Variants in FBXL13 observed in about 807,000 individuals in gnomAD.
FBXL13 encodes the protein F-box and leucine rich repeat protein 13.
Under a neutral mutation model 83.6 loss-of-function variants are expected in FBXL13, and 67 were observed. That is an observed-to-expected ratio of 0.80 (90% confidence interval 0.66 to 0.98). The LOEUF (loss-of-function observed/expected upper bound fraction) is 0.98. FBXL13 is among the 50% of genes least tolerant of loss of function. FBXL13 has a pLI of 0.00. For missense variants in FBXL13, 822 were observed against 866.5 expected, an observed-to-expected ratio of 0.95 and a Z score of 0.64; for synonymous variants, 272 against 299.5, an observed-to-expected ratio of 0.91 and a Z score of 0.95.
intron 17 of FBXL13, among the ~76,000 whole-genome samples, chr7:102,833,858 A>G (rs1801180388): frequency 6.6e-6 from 1 of 152,010 alleles, no homozygotes; most frequent in African/African-American, 2.4e-5. Flanking sequence ...CTTAATTTTC[A>G]TTCCTACTTT....
chr7:102,974,923 C>A (rs1827245901), intron 6 of FBXL13, among the ~76,000 whole-genome samples: 1 of 152,174 alleles, frequency 6.6e-6, no homozygotes. Context: ...CAGGACAATT[C>A]TAGCATTGTC....
At chr7:103,060,903 G>T (rs1158151839) in intron 1 of FBXL13, among the ~76,000 whole-genome samples, 1 of 152,184 alleles carries the variant, frequency 6.6e-6, no homozygotes, top group African/African-American at 2.4e-5. Flanking sequence ...TCTCACAAAT[G>T]ATTGCCATCC....
At chr7:103,009,996 G>C (rs1402164309) in intron 6 of FBXL13, among the ~76,000 whole-genome samples, 1 of 152,152 alleles carries the variant, frequency 6.6e-6, no homozygotes, top group Non-Finnish European at 1.5e-5. Flanking sequence ...TGTGTGAACT[G>C]AGCCAGAAGG....
chr7:103,073,215 T>C (rs1484043940), intron 1 of FBXL13, among the ~76,000 whole-genome samples: 2 of 152,258 alleles, frequency 1.3e-5, no homozygotes, highest in Non-Finnish European at 2.9e-5. Flanking sequence ...GCTAGATATA[T>C]ACACATATAT....
intron 6 of FBXL13, among the ~76,000 whole-genome samples, chr7:102,996,608 A>C (rs1312354472): frequency 6.6e-6 from 1 of 152,188 alleles, no homozygotes; most frequent in Non-Finnish European, 1.5e-5. Flanking sequence ...CAGTTTAACA[A>C]GGCCTTGTGA....
chr7:102,815,880 G>C (rs900516031), intron 19 of FBXL13, among the ~76,000 whole-genome samples: 1 of 152,150 alleles, frequency 6.6e-6, no homozygotes, highest in African/African-American at 2.4e-5. Context: ...CAATTAGCAA[G>C]TAGTGGGGGT....
At chr7:102,954,210 G>A (rs939538193) in intron 8 of FBXL13, among the ~76,000 whole-genome samples, 3 of 152,168 alleles carry the variant, frequency 2.0e-5, no homozygotes, top group African/African-American at 7.2e-5. Flanking sequence ...CTGGAAAAAT[G>A]GGGCACTGCT....
At chr7:103,060,053 TATATATATATAC>T (rs1487216459) in intron 1 of FBXL13, among the ~76,000 whole-genome samples, 3 of 112,730 alleles carry the variant, frequency 2.7e-5, no homozygotes, top group African/African-American at 1.2e-4. Context: ...TATATATATA[TATATATATATAC>T]TTTTTTTTTT....
intron 6 of FBXL13, among the ~76,000 whole-genome samples, chr7:102,999,700 T>C (rs1790191345): frequency 6.6e-6 from 1 of 152,180 alleles, no homozygotes; most frequent in African/African-American, 2.4e-5. Context: ...TTTGTTGGCA[T>C]AGATGTTCAC....
At chr7:102,867,180 C>G (rs1035998382) in intron 16 of FBXL13, among the ~76,000 whole-genome samples, 7 of 151,960 alleles carry the variant, frequency 4.6e-5, no homozygotes, top group Non-Finnish European at 8.8e-5. Flanking sequence ...ATAGCAAGAC[C>G]CCATCTCTAC....
At chr7:102,913,214 G>C in exon 11 of FBXL13, 2 of 1,614,080 alleles carry the variant, frequency 1.2e-6, no homozygotes, top group Non-Finnish European at 1.7e-6. Flanking sequence ...TTGTGGAAGT[G>C]CCTGAAAAGA....
intron 6 of FBXL13, among the ~76,000 whole-genome samples, chr7:102,984,129 T>C (rs1828635474): frequency 6.6e-6 from 1 of 152,138 alleles, no homozygotes; most frequent in Non-Finnish European, 1.5e-5. Flanking sequence ...TATTGCCAGA[T>C]AACACCGTGA....
At chr7:103,037,576 A>G in intron 2 of FBXL13, among the ~76,000 whole-genome samples, 1 of 152,062 alleles carries the variant, frequency 6.6e-6, no homozygotes, top group Non-Finnish European at 1.5e-5. Context: ...AGGCTGAGGT[A>G]GGAAGATCTC....
intron 2 of FBXL13, 84 bp from the exon 3 acceptor site, chr7:103,055,262 G>C: frequency 2.9e-6 from 2 of 698,588 alleles, no homozygotes; most frequent in South Asian, 3.4e-5. Flanking sequence ...CTTGTAGGTG[G>C]AATGAAAGGG....
At chr7:102,819,533 AT>A (rs1233600556) in intron 19 of FBXL13, among the ~76,000 whole-genome samples, 6 of 152,180 alleles carry the variant, frequency 3.9e-5, no homozygotes, top group Admixed American at 6.5e-5. Flanking sequence ...TTCAGATTCC[AT>A]TGAGTATGAG....
At chr7:102,976,285 A>G in intron 6 of FBXL13, 2 of 679,386 alleles carry the variant, frequency 2.9e-6, no homozygotes, top group Non-Finnish European at 5.4e-6. Context: ...TGCTTTCCCT[A>G]ATTTTTCAGG....
chr7:102,885,194 A>G (rs531306951), intron 11 of FBXL13, among the ~76,000 whole-genome samples: 1 of 152,218 alleles, frequency 6.6e-6, no homozygotes, highest in Non-Finnish European at 1.5e-5. Flanking sequence ...TTAATTTTTA[A>G]GAACCACCAA....
chr7:102,978,247 C>A (rs544850338), intron 6 of FBXL13: 4 of 152,304 alleles, frequency 2.6e-5, no homozygotes, highest in East Asian at 1.9e-4. Flanking sequence ...CCACGCCACC[C>A]CCTATGTCAT....
At chr7:102,888,046 C>T (rs967021170) in intron 11 of FBXL13, among the ~76,000 whole-genome samples, 1 of 152,220 alleles carries the variant, frequency 6.6e-6, no homozygotes, top group Admixed American at 6.5e-5. Context: ...CAGGGAAACA[C>T]TAACTAATAA....
Sources: allele counts gnomAD v4.1 joint callset (sites outside exome capture counted in the v4.1 genomes callset), GRCh38; gene constraint gnomAD v4.1.1; transcripts MANE v1.5; gene names NCBI Gene and HGNC (gene_info 2026-07-23, HGNC 2026-07-21).